The following OXCT1 variants were observed in gnomAD, a reference collection of about 807,000 sequenced individuals.
The protein encoded by OXCT1 is 3-oxoacid CoA-transferase 1.
OXCT1 carries 27 observed loss-of-function variants against 69.6 expected under a neutral mutation model. The ratio of observed to expected loss-of-function variants is 0.39; its 90% CI spans 0.29 to 0.54. The LOEUF (loss-of-function observed/expected upper bound fraction) is 0.54. OXCT1 is among the 20% of genes least tolerant of loss of function. The probability of loss-of-function intolerance (pLI) is 0.72; values close to 1 mark genes in which losing one functional copy is unlikely to be tolerated. For synonymous variants in OXCT1, 202 were observed against 217.8 expected (o/e 0.93, Z 0.64); for missense variants, 437 against 650.2 (o/e 0.67, Z 3.57).
chr5:41,830,774 T>C (rs1388940892), intron 7 of OXCT1, among the ~76,000 whole-genome samples: 1 of 152,224 alleles, frequency 6.6e-6, no homozygotes, highest in Admixed American at 6.5e-5. Context: ...TGAGTTCCAC[T>C]GCTTTTAAAA....
At chr5:41,809,871 T>C (rs546339252) in intron 7 of OXCT1, among the ~76,000 whole-genome samples, 22 of 152,224 alleles carry the variant, frequency 1.4e-4, no homozygotes, top group African/African-American at 4.1e-4. Flanking sequence ...AACAATTCCA[T>C]GTTTTGTCAT....
chr5:41,856,278 A>C (rs1749425821), intron 3 of OXCT1, among the ~76,000 whole-genome samples: 1 of 152,190 alleles, frequency 6.6e-6, no homozygotes, highest in East Asian at 1.9e-4. Context: ...ATAATTCATA[A>C]GACTTGTTGC....
chr5:41,842,903 A>T (rs2112409285), intron 5 of OXCT1, 122 bp from the exon 6 acceptor site: 2 of 771,486 alleles, frequency 2.6e-6, no homozygotes, highest in East Asian at 2.4e-5. Context: ...TCAGAGGGAA[A>T]AGCATCCCAG....
At chr5:41,862,968 G>C (rs1749811491) in intron 1 of OXCT1, among the ~76,000 whole-genome samples, 2 of 152,028 alleles carry the variant, frequency 1.3e-5, no homozygotes, top group African/African-American at 4.8e-5. Context: ...TATATGGATA[G>C]TAGACCCCCC....
At chr5:41,839,604 C>CT (rs1341734956) in intron 7 of OXCT1, among the ~76,000 whole-genome samples, 9 of 152,184 alleles carry the variant, frequency 5.9e-5, no homozygotes, top group Non-Finnish European at 4.4e-5. Context: ...GAACAAAACT[C>CT]TAACATTTGA....
intron 4 of OXCT1, 93 bp from the exon 5 acceptor site, chr5:41,850,272 CT>C: frequency 7.3e-7 from 1 of 1,377,314 alleles, no homozygotes. Context: ...TATCTAGAGG[CT>C]TATAATTCTA....
At chr5:41,859,907 T>TATACAC (rs1304074270) in intron 3 of OXCT1, among the ~76,000 whole-genome samples, 30 of 138,480 alleles carry the variant, frequency 2.2e-4, no homozygotes, top group African/African-American at 6.1e-4. Context: ...TATATATATA[T>TATACAC]ACACACACAC....
chr5:41,739,795 C>T (rs1215753789), intron 15 of OXCT1: 8 of 341,670 alleles, frequency 2.3e-5, no homozygotes, highest in East Asian at 7.5e-5. Context: ...GGCGTGAACC[C>T]GAGAGGCGGA....
intron 1 of OXCT1, chr5:41,869,972 C>T: frequency 2.3e-6 from 1 of 432,256 alleles, no homozygotes; most frequent in South Asian, 2.1e-5. Context: ...GGAGGGAAGC[C>T]GACGAGCGCC....
At position 41,774,197 on chromosome 5, in the gene OXCT1, A is replaced by G. The variant is rs117788995; in HGVS notation, c.1249-11997T>C. ...CACATTCTGTTGATACCACCTTGAG[A>G]CCGTTATTCAGTAAGGAGTTACTTT... On this transcript the variant is annotated intron_variant, in intron 13 of 16. Coordinates refer to ENST00000196371, the MANE Select transcript of OXCT1 (RefSeq NM_000436.4). Among the ~76,000 whole-genome samples, 13 of 152,328 alleles carry G rather than the reference A, an allele frequency of 8.5e-5. No individual in the cohort carries two copies. In the East Asian group the frequency reaches 2.5e-3, roughly 29 times the overall value.
chr5:41,784,849 G>A (rs1281031880), intron 13 of OXCT1, among the ~76,000 whole-genome samples: 2 of 152,152 alleles, frequency 1.3e-5, no homozygotes, highest in Non-Finnish European at 2.9e-5. Flanking sequence ...CTTAATCACA[G>A]TTTTTAATCA....
chr5:41,822,267 A>G (rs1561104697), intron 7 of OXCT1, among the ~76,000 whole-genome samples: 1 of 152,102 alleles, frequency 6.6e-6, no homozygotes, highest in African/African-American at 2.4e-5. Flanking sequence ...CAGTACTGGT[A>G]CTTCTGAAGC....
At chr5:41,811,587 T>A (rs1023194188) in intron 7 of OXCT1, among the ~76,000 whole-genome samples, 1 of 151,986 alleles carries the variant, frequency 6.6e-6, no homozygotes, top group Non-Finnish European at 1.5e-5. Context: ...TAAGGAATGA[T>A]AGGACCAGTA....
chr5:41,862,604 G>T, intron 2 of OXCT1, 38 bp downstream of exon 2: 1 of 1,063,130 alleles, frequency 9.4e-7, no homozygotes, highest in South Asian at 1.3e-5. Context: ...AAAAACATAA[G>T]GACATTACCA....
At chr5:41,865,517 TA>T (rs1749923323) in intron 1 of OXCT1, among the ~76,000 whole-genome samples, 1 of 152,212 alleles carries the variant, frequency 6.6e-6, no homozygotes, top group Admixed American at 6.5e-5. Context: ...CAGTTAACAA[TA>T]TTTGTTGACA....
intron 3 of OXCT1, among the ~76,000 whole-genome samples, chr5:41,859,433 A>G (rs955892720): frequency 7.2e-5 from 11 of 152,180 alleles, no homozygotes; most frequent in African/African-American, 1.7e-4. Context: ...CTTAGTTAAG[A>G]TGGAAAAGAC....
At chr5:41,798,056 T>C (rs919928182) in intron 11 of OXCT1, among the ~76,000 whole-genome samples, 1 of 152,028 alleles carries the variant, frequency 6.6e-6, no homozygotes, top group African/African-American at 2.4e-5. Context: ...ACTTGAAGGA[T>C]AGGCATAATG....
intron 7 of OXCT1, among the ~76,000 whole-genome samples, chr5:41,817,349 G>A (rs899818466): frequency 6.6e-6 from 1 of 152,092 alleles, no homozygotes; most frequent in Non-Finnish European, 1.5e-5. Context: ...ATCACCTAAA[G>A]TCATTTCACC....
At position 41,807,343 on chromosome 5, in the gene OXCT1, C is replaced by A; in HGVS notation, c.828G>T (p.Glu276Asp). The A allele has an allele frequency of 6.5e-7, 1 of 1,546,958 alleles. No individual in the cohort carries two copies. The highest frequency in any genetic ancestry group is 8.9e-7 in the Non-Finnish European group (1 of 1,119,400). Residue 276 changes from glutamate (E) to aspartate (D), a missense_variant, in exon 8 of 17, where the codon GAG becomes GAT. This residue lies in a region of OXCT1 where 252 missense variants were observed against 397.4 expected (regional missense o/e 0.63). Coordinates refer to ENST00000196371, the MANE Select transcript of OXCT1 (RefSeq NM_000436.4). ...VHRLIKGEKY[E>D]KRIERLSIRK... is the part of the protein sequence containing the mutation. ...CTAAGTCAATTACCTCAATTCTTTTCTCATATTTTTCTCCCTTTATAAGGC... is the reference window on the plus strand; with the variant it reads ...CTAAGTCAATTACCTCAATTCTTTTATCATATTTTTCTCCCTTTATAAGGC...
Sources: gnomAD v4.1 joint callset for allele counts (sites outside exome capture counted in the v4.1 genomes callset) on GRCh38, gnomAD v4.1.1 for gene constraint, gnomAD v4.1.1 regional missense constraint, MANE v1.5 for transcripts, NCBI Gene and HGNC (gene_info 2026-07-23, HGNC 2026-07-21) for gene names.